Variants in MAPK6 observed in about 807,000 individuals in gnomAD.
MAPK6 encodes the protein mitogen-activated protein kinase 6.
A neutral mutation model predicts 59.3 loss-of-function variants in MAPK6; 19 were observed. That is an observed-to-expected ratio of 0.32 (90% CI 0.22 to 0.47). The LOEUF (loss-of-function observed/expected upper bound fraction) is 0.47, where lower values mean the gene tolerates loss of function less well. Ranked by LOEUF, MAPK6 falls within the 20% of genes least tolerant of loss-of-function variation. The pLI is 1.00. For synonymous variants in MAPK6, 316 were observed against 290.3 expected (o/e 1.09, Z -0.90); for missense variants, 724 against 847.9 (o/e 0.85, Z 1.81).
chr15:52,004,367 G>A (rs2057251345), exon 3 of MAPK6: 1 of 152,096 alleles, frequency 6.6e-6, no homozygotes, highest in African/African-American at 2.4e-5. Flanking sequence ...AAGGACCACG[G>A]GCTAATTAAA....
chr15:52,061,243 G>A, intron 4 of MAPK6, 56 bp from the exon 5 acceptor site: 1 of 1,320,222 alleles, frequency 7.6e-7, no homozygotes, highest in South Asian at 1.2e-5. Flanking sequence ...AACATTTACT[G>A]TTTTTCTAAA....
chr15:52,033,412 A>G (rs187850076), intron 1 of MAPK6, among the ~76,000 whole-genome samples: 2 of 152,170 alleles, frequency 1.3e-5, no homozygotes, highest in East Asian at 3.9e-4. Context: ...CTGGCTTGCT[A>G]AGTCTTTTGG....
rs140354959 is a variant in MAPK6, at chr15:52,064,155, A to G, written c.1321A>G (p.Ser441Gly). ...HENKYCDLEC[S>G]HTCNYKTRSS... is the part of the protein sequence containing the mutation. ...AAACAAATATTGTGATCTGGAGTGT[A>G]GCCATACTTGTAACTACAAAACGAG... The change falls in exon 6 of 6, where the codon AGC (serine) becomes GGC (glycine). Residue 441 changes from serine (S) to glycine (G), a missense_variant. Around this residue, in one of 4 missense-constraint regions of MAPK6, gnomAD observed 502 missense variants for 507.6 expected, o/e 0.99. Coordinates refer to ENST00000261845, the MANE Select transcript of MAPK6 (RefSeq NM_002748.4). 3 of 1,613,214 alleles carry G rather than the reference A, an allele frequency of 1.9e-6. No homozygotes were observed. In the African/African-American group the frequency reaches 4.0e-5, roughly 22 times the overall value.
chr15:52,021,491 C>G (rs1413731695), intron 1 of MAPK6: 1 of 151,146 alleles, frequency 6.6e-6, no homozygotes, highest in Non-Finnish European at 1.5e-5. Context: ...AAAGTAATGG[C>G]TTCTTAAATT....
chr15:51,990,839 G>A (rs1249277118), intron 2 of MAPK6, among the ~76,000 whole-genome samples: 1 of 152,098 alleles, frequency 6.6e-6, no homozygotes, highest in Non-Finnish European at 1.5e-5. Context: ...CTGTAGTCCC[G>A]GCTACTCGGG....
intron 2 of MAPK6, among the ~76,000 whole-genome samples, chr15:52,049,517 A>G (rs8033365): frequency 0.055 from 8,324 of 151,544 alleles, 438 homozygotes; most frequent in African/African-American, 0.13. Flanking sequence ...TAGTAGAGGC[A>G]GAGTTTTACC....
intron 1 of MAPK6, among the ~76,000 whole-genome samples, chr15:52,023,561 A>G (rs983276885): frequency 2.0e-5 from 3 of 152,208 alleles, no homozygotes; most frequent in African/African-American, 7.2e-5. Context: ...TTTCACCTCC[A>G]TGAACTGCGT....
At chr15:52,015,903 C>A (rs1489277513), upstream of MAPK6, among the ~76,000 whole-genome samples, 1 of 92,262 alleles carries the variant, frequency 1.1e-5, no homozygotes, top group African/African-American at 4.1e-5. Context: ...ACTAAAAATG[C>A]AAAAATTAGT....
intron 1 of MAPK6, among the ~76,000 whole-genome samples, chr15:52,019,734 G>T (rs1376182483): frequency 4.0e-5 from 6 of 151,226 alleles, no homozygotes; most frequent in Non-Finnish European, 3.0e-5. Context: ...GGCCCCGCAC[G>T]CCTGCTGCCG....
intron 3 of MAPK6, among the ~76,000 whole-genome samples, chr15:52,055,241 C>T (rs896398572): frequency 1.6e-4 from 25 of 152,166 alleles, no homozygotes; most frequent in African/African-American, 5.8e-4. Context: ...GACCCTGTCT[C>T]GACAAAAAAC....
intron 1 of MAPK6, among the ~76,000 whole-genome samples, chr15:52,038,998 A>C (rs1337889540): frequency 1.3e-5 from 2 of 152,180 alleles, no homozygotes; most frequent in Non-Finnish European, 2.9e-5. Context: ...TTGAATTTCT[A>C]ATATGAATGG....
chr15:52,054,025 C>A (rs906121520), intron 3 of MAPK6, among the ~76,000 whole-genome samples: 1 of 151,964 alleles, frequency 6.6e-6, no homozygotes, highest in African/African-American at 2.4e-5. Flanking sequence ...AATTGCCTGA[C>A]CCAAGGTCAT....
intron 2 of MAPK6, among the ~76,000 whole-genome samples, chr15:52,049,659 G>A (rs2031713814): frequency 6.8e-6 from 1 of 147,718 alleles, no homozygotes; most frequent in African/African-American, 2.5e-5. Context: ...TTGTTGCCCA[G>A]GGCGGAGTGC....
At chr15:52,005,081 AT>A (rs1175673077) in intron 3 of MAPK6, among the ~76,000 whole-genome samples, 1 of 152,212 alleles carries the variant, frequency 6.6e-6, no homozygotes, top group Non-Finnish European at 1.5e-5. Context: ...ACTTTAAAAA[AT>A]ATCTTTACCA....
chr15:52,003,744 T>C (rs1373674600), intron 2 of MAPK6, among the ~76,000 whole-genome samples: 2 of 152,188 alleles, frequency 1.3e-5, no homozygotes, highest in Admixed American at 6.5e-5. Context: ...ACTGAAAAAA[T>C]GTCAAGAGCC....
In MAPK6 at chr15:52,061,387, A is replaced by C. The variant is rs769991884; in HGVS notation, c.954A>C (p.Ile318=). The C allele has an allele frequency of 6.2e-7, 1 of 1,613,962 alleles. No homozygotes were observed. The highest frequency in any genetic ancestry group is 8.5e-7 in the Non-Finnish European group (1 of 1,179,868). ...EEALSHPYMS[I]YSFPMDEPIS... ...CACTCTCCCATCCTTACATGAGCAT[A>C]TATTCTTTTCCAATGGATGAGCCAA... Residue 318 remains isoleucine, a synonymous_variant, in exon 5 of 6, where the codon ATA becomes ATC. Coordinates refer to ENST00000261845, the MANE Select transcript of MAPK6 (RefSeq NM_002748.4).
chr15:52,042,594 T>C (rs2031460121), intron 1 of MAPK6, among the ~76,000 whole-genome samples: 1 of 152,224 alleles, frequency 6.6e-6, no homozygotes, highest in African/African-American at 2.4e-5. Flanking sequence ...TTTTCATGGC[T>C]TTCCTAATCT....
At chr15:52,032,138 T>G (rs1416586466) in intron 1 of MAPK6, among the ~76,000 whole-genome samples, 2 of 151,734 alleles carry the variant, frequency 1.3e-5, no homozygotes, top group African/African-American at 4.8e-5. Flanking sequence ...CCTCCCAAAG[T>G]GCTGGGATTA....
At chr15:51,978,787 T>C (rs902028383) in intron 1 of MAPK6, among the ~76,000 whole-genome samples, 7 of 151,806 alleles carry the variant, frequency 4.6e-5, no homozygotes, top group African/African-American at 1.7e-4. Flanking sequence ...AACAACCCTA[T>C]AACATAGATT....
Sources: allele counts gnomAD v4.1 joint callset (sites outside exome capture counted in the v4.1 genomes callset), GRCh38; gene constraint gnomAD v4.1.1; regional missense constraint gnomAD v4.1.1; transcripts MANE v1.5; gene names NCBI Gene and HGNC (gene_info 2026-07-23, HGNC 2026-07-21).